MAP6: variants seen among roughly 807,000 people sequenced by gnomAD.
MAP6 encodes microtubule associated protein 6.
MAP6 carries 26 observed loss-of-function variants against 42.4 expected under a neutral mutation model. That is an observed-to-expected ratio of 0.61 (90% CI 0.45 to 0.85). The LOEUF is 0.85. MAP6 is among the 40% of genes least tolerant of loss of function. MAP6 has a pLI of 0.00. For synonymous variants in MAP6, 418 were observed against 443.8 expected, an observed-to-expected ratio of 0.94 and a Z score of 0.73; for missense variants, 966 against 1,099.0, an observed-to-expected ratio of 0.88 and a Z score of 1.71.
intron 1 of MAP6, among the ~76,000 whole-genome samples, chr11:75,612,808 C>T (rs1055258863): frequency 1.3e-5 from 2 of 152,204 alleles, no homozygotes; most frequent in African/African-American, 4.8e-5. Context: ...GCTCAGGGTT[C>T]TCCTCTTCCA....
intron 1 of MAP6, among the ~76,000 whole-genome samples, chr11:75,647,976 C>T (rs1943589605): frequency 6.6e-6 from 1 of 152,100 alleles, no homozygotes; most frequent in African/African-American, 2.4e-5. Flanking sequence ...CAACAAAATA[C>T]AGAGCCCAGA....
chr11:75,593,847 G>A (rs565920675), intron 3 of MAP6, among the ~76,000 whole-genome samples: 137 of 152,336 alleles, frequency 9.0e-4, no homozygotes, highest in South Asian at 5.2e-3. Context: ...ACAGTGCACT[G>A]ACTGGGCTTG....
chr11:75,613,556 G>T (rs2135598023), intron 1 of MAP6, among the ~76,000 whole-genome samples: 1 of 152,128 alleles, frequency 6.6e-6, no homozygotes, highest in East Asian at 1.9e-4. Context: ...AAATCACAGG[G>T]ACAGGGTGCT....
intron 3 of MAP6, chr11:75,605,511 C>T (rs1029701975): frequency 1.7e-6 from 2 of 1,181,004 alleles, no homozygotes; most frequent in Non-Finnish European, 2.1e-6. Context: ...GCCTCTCAGA[C>T]CTGCCTGCCT....
At chr11:75,665,938 G>A (rs1032491593) in intron 1 of MAP6, among the ~76,000 whole-genome samples, 6 of 152,052 alleles carry the variant, frequency 3.9e-5, no homozygotes, top group African/African-American at 7.2e-5. Context: ...TAGGAGTTGG[G>A]GGACAGATTT....
chr11:75,628,519 G>C (rs1943234199), intron 1 of MAP6, among the ~76,000 whole-genome samples: 1 of 152,238 alleles, frequency 6.6e-6, no homozygotes, highest in African/African-American at 2.4e-5. Context: ...GAGGAGCTGG[G>C]GGAGGGGAGG....
intron 1 of MAP6, among the ~76,000 whole-genome samples, chr11:75,630,948 T>C (rs761454575): frequency 6.6e-6 from 1 of 152,228 alleles, no homozygotes; most frequent in Non-Finnish European, 1.5e-5. Context: ...TTTTAACAAG[T>C]TCCTTGGGTG....
intron 1 of MAP6, among the ~76,000 whole-genome samples, chr11:75,653,666 A>T (rs187913124): frequency 6.6e-6 from 1 of 152,358 alleles, no homozygotes; most frequent in African/African-American, 2.4e-5. Flanking sequence ...ATTTTTGTGT[A>T]TGCAAAGTGG....
chr11:75,590,658 A>G (rs1274312421), intron 3 of MAP6, among the ~76,000 whole-genome samples: 1 of 152,234 alleles, frequency 6.6e-6, no homozygotes, highest in Non-Finnish European at 1.5e-5. Flanking sequence ...ATGATGAATT[A>G]AATCAAGTCC....
chr11:75,663,181 A>T (rs1943886411), intron 1 of MAP6, among the ~76,000 whole-genome samples: 1 of 151,616 alleles, frequency 6.6e-6, no homozygotes, highest in Non-Finnish European at 1.5e-5. Flanking sequence ...GGGTTTCACC[A>T]TGTTGGTCAG....
chr11:75,660,755 G>A (rs1333558357), intron 1 of MAP6, among the ~76,000 whole-genome samples: 1 of 152,016 alleles, frequency 6.6e-6, no homozygotes, highest in East Asian at 1.9e-4. Context: ...TTTTTTCAGT[G>A]ACTCATTATT....
At chr11:75,644,838 T>C (rs572518945) in intron 1 of MAP6, among the ~76,000 whole-genome samples, 1 of 152,220 alleles carries the variant, frequency 6.6e-6, no homozygotes, top group African/African-American at 2.4e-5. Flanking sequence ...ACAAAATGCA[T>C]AGAAATGCTA....
At chr11:75,606,780 T>G (rs2135588200) in intron 2 of MAP6, among the ~76,000 whole-genome samples, 1 of 152,270 alleles carries the variant, frequency 6.6e-6, no homozygotes, top group South Asian at 2.1e-4. Flanking sequence ...GAGCAGCAGT[T>G]CTAAGCTCAC....
chr11:75,629,712 T>G (rs1039326694), intron 1 of MAP6, among the ~76,000 whole-genome samples: 2 of 152,148 alleles, frequency 1.3e-5, no homozygotes, highest in African/African-American at 4.8e-5. Context: ...AATAATTAGA[T>G]CTAGGTCTGA....
At position 75,667,315 on chromosome 11, in the gene MAP6, G is replaced by C; in HGVS notation, c.905+150C>G. 1.6e-6 allele frequency: 1 copy of C among 633,540 alleles called. No individual in the cohort carries two copies. The highest frequency in any genetic ancestry group is 2.5e-6 in the Non-Finnish European group (1 of 407,650). 39.2% of individuals were successfully genotyped at this position (633,540 alleles called of 1,614,324 possible). A position where few individuals can be genotyped will look rare whatever the true frequency, so the allele number is the denominator to read the frequency against. On this transcript the variant is annotated intron_variant, in intron 1 of 3. Transcript: ENST00000304771. This position sits in a 1 kb window ranked among gnomAD's most constrained non-coding sequence, Gnocchi z 5.6. ...GGCAGAAGAGAAGGCTTCGACAGGA[G>C]GTGGCCTGGGAGGCGGCTGGGGAGA...
Position 75,667,458 on chromosome 11 carries a change from G to A in MAP6, c.905+7C>T. Reference sequence around the variant, plus strand: ...ACTCCCCCGCGCTAGCAGCGGCCGCGTCTCACCTGTAGGAGCTGCTCACTG... The same window carrying A: ...ACTCCCCCGCGCTAGCAGCGGCCGCATCTCACCTGTAGGAGCTGCTCACTG... On this transcript the variant is annotated splice_region_variant and intron_variant, in intron 1 of 3. Coordinates refer to ENST00000304771, the MANE Select transcript of MAP6 (RefSeq NM_033063.2). This position sits in a 1 kb window ranked among gnomAD's most constrained non-coding sequence, Gnocchi z 5.6. 1 of 1,486,326 alleles carries A rather than the reference G, an allele frequency of 6.7e-7. No individual in the cohort carries two copies. Among genetic ancestry groups the A allele is most frequent in the African/African-American group, 1.5e-5 (1 of 68,802 alleles). The allele number at this position is 1,486,326 out of a possible 1,614,324, so 92.1% of individuals were successfully genotyped here.
chr11:75,608,385 C>T (rs754617149), intron 1 of MAP6, 63 bp from the exon 2 acceptor site: 2 of 1,332,420 alleles, frequency 1.5e-6, no homozygotes, highest in Non-Finnish European at 2.1e-6. Flanking sequence ...GAGCTCCTGA[C>T]ACAGGGCTGC....
chr11:75,657,005 C>T (rs187720293), intron 1 of MAP6, among the ~76,000 whole-genome samples: 1 of 152,258 alleles, frequency 6.6e-6, no homozygotes, highest in Non-Finnish European at 1.5e-5. Context: ...AATTACTTTG[C>T]CTGTTTTTGA....
At chr11:75,604,606 T>C in intron 3 of MAP6, 5 of 985,378 alleles carry the variant, frequency 5.1e-6, no homozygotes, top group Non-Finnish European at 6.0e-6. Context: ...GGTTTTTTTT[T>C]TCACAACAAC....
Sources: allele counts gnomAD v4.1 joint callset (sites outside exome capture counted in the v4.1 genomes callset), GRCh38; gene constraint gnomAD v4.1.1; non-coding constraint Gnocchi (gnomAD v3.1); transcripts MANE v1.5; gene names NCBI Gene and HGNC (gene_info 2026-07-23, HGNC 2026-07-21).